The following PDE8B variants were observed in gnomAD, a reference collection of about 807,000 sequenced individuals.
PDE8B encodes phosphodiesterase 8B.
Under a neutral mutation model 101.3 loss-of-function variants are expected in PDE8B, and 26 were observed. The observed-to-expected ratio is 0.26, with a 90% CI of 0.19 to 0.36. PDE8B has a LOEUF of 0.36. PDE8B is among the 10% of genes least tolerant of loss of function. PDE8B has a pLI of 1.00. For synonymous variants in PDE8B, 424 were observed against 429.3 expected (o/e 0.99, Z 0.15); for missense variants, 810 against 1,163.1 (o/e 0.70, Z 4.42).
the PDE8B span, among the ~76,000 whole-genome samples, chr5:77,172,823 G>A: frequency 6.6e-6 from 1 of 152,240 alleles, no homozygotes; most frequent in African/African-American, 2.4e-5. Context: ...GAGTAGGTAA[G>A]TTGAGCATGG....
the PDE8B span, chr5:77,104,807 A>C: frequency 6.6e-6 from 1 of 152,168 alleles, no homozygotes; most frequent in Admixed American, 6.5e-5. Flanking sequence ...TTTGCAAAAC[A>C]TTTTAGACAT....
intron 1 of PDE8B, among the ~76,000 whole-genome samples, chr5:77,245,836 T>TCCCC (rs1294449774): frequency 1.6e-4 from 1 of 6,328 alleles, no homozygotes; most frequent in African/African-American, 9.1e-4. Context: ...TCCTATAACC[T>TCCCC]CCTCCCCCCC....
upstream of PDE8B, among the ~76,000 whole-genome samples, chr5:77,208,931 G>A (rs1747736943): frequency 6.6e-6 from 1 of 152,184 alleles, no homozygotes; most frequent in Admixed American, 6.5e-5. Context: ...CTGCAGGGAT[G>A]CCTGAGGCTT....
chr5:77,375,133 A>T (rs1266427437), intron 10 of PDE8B, among the ~76,000 whole-genome samples: 5 of 152,232 alleles, frequency 3.3e-5, no homozygotes, highest in East Asian at 1.9e-4. Flanking sequence ...ATTGCCCCTG[A>T]TGTGGACACT....
intron 1 of PDE8B, among the ~76,000 whole-genome samples, chr5:77,233,699 T>TGTGCGCGC (rs979930633): frequency 1.4e-5 from 2 of 147,008 alleles, no homozygotes; most frequent in African/African-American, 5.0e-5. Context: ...TGTGTGTGTG[T>TGTGCGCGC]GCAGTAGACT....
intron 11 of PDE8B, 90 bp from the exon 12 acceptor site, chr5:77,404,625 GTTTTC>G: frequency 1.3e-6 from 1 of 784,322 alleles, no homozygotes; most frequent in Non-Finnish European, 2.2e-6. Flanking sequence ...AAGTAACCTT[GTTTTC>G]TTTAGAGAAT....
At chr5:77,424,132 C>T (rs1344251309) in intron 20 of PDE8B, among the ~76,000 whole-genome samples, 1 of 152,016 alleles carries the variant, frequency 6.6e-6, no homozygotes, top group Non-Finnish European at 1.5e-5. Flanking sequence ...TCCTTGAACA[C>T]CAGTGGATAT....
chr5:77,194,569 C>G, the PDE8B span, among the ~76,000 whole-genome samples: 4 of 152,068 alleles, frequency 2.6e-5, no homozygotes, highest in Non-Finnish European at 5.9e-5. Context: ...AAAAAGAAAC[C>G]CCATGACCAT....
intron 1 of PDE8B, among the ~76,000 whole-genome samples, chr5:77,279,271 A>G (rs1460594856): frequency 1.3e-5 from 2 of 152,228 alleles, no homozygotes; most frequent in Non-Finnish European, 2.9e-5. Flanking sequence ...TTTACAGAAC[A>G]TGGGCATGAC....
intron 5 of PDE8B, among the ~76,000 whole-genome samples, chr5:77,333,993 C>T (rs185785563): frequency 2.0e-5 from 3 of 152,326 alleles, no homozygotes; most frequent in Non-Finnish European, 4.4e-5. Flanking sequence ...AGCTTGGGCT[C>T]ATTCCAGGAG....
At chr5:77,096,698 C>A in the PDE8B span, among the ~76,000 whole-genome samples, 4 of 152,202 alleles carry the variant, frequency 2.6e-5, no homozygotes, top group Admixed American at 6.5e-5. Flanking sequence ...AACATTTAAA[C>A]CATAGCGCCA....
At chr5:77,295,872 C>T (rs993136828) in intron 1 of PDE8B, among the ~76,000 whole-genome samples, 3 of 152,192 alleles carry the variant, frequency 2.0e-5, no homozygotes, top group Admixed American at 1.3e-4. Context: ...GTGTTGCTTT[C>T]GTTCTCACAT....
At chr5:77,370,735 G>A (rs965762896) in intron 10 of PDE8B, among the ~76,000 whole-genome samples, 9 of 152,208 alleles carry the variant, frequency 5.9e-5, no homozygotes, top group East Asian at 1.9e-4. Flanking sequence ...GAAACTGCCA[G>A]TTCTCCCAAA....
At chr5:77,244,172 T>C (rs10056404) in intron 1 of PDE8B, among the ~76,000 whole-genome samples, 68,769 of 151,622 alleles carry the variant, frequency 0.45, 16,379 homozygotes, top group East Asian at 0.81. Flanking sequence ...ACATACAAAC[T>C]AATCAGATGG....
the PDE8B span, chr5:77,118,875 T>C: frequency 6.6e-6 from 1 of 152,662 alleles, no homozygotes; most frequent in African/African-American, 2.4e-5. Flanking sequence ...GGTTATACCT[T>C]CTTTGCTCAC....
chr5:77,380,319 C>T (rs1458040890), intron 10 of PDE8B, among the ~76,000 whole-genome samples: 2 of 152,140 alleles, frequency 1.3e-5, no homozygotes, highest in Admixed American at 1.3e-4. Context: ...CCATTTGTAC[C>T]ATTCCATTGA....
rs920685965 is a variant in PDE8B, at chr5:77,310,962, A to C, written c.340-1032A>C. ...GTCTTGCAAAGTATAATGTAAAGAAAGTTTGCTTTTCTTGTTTGTTTTTTG... is the reference window on the plus strand; with the variant it reads ...GTCTTGCAAAGTATAATGTAAAGAACGTTTGCTTTTCTTGTTTGTTTTTTG... On this transcript the variant is annotated intron_variant, in intron 1 of 21. Coordinates refer to ENST00000264917, the MANE Select transcript of PDE8B (RefSeq NM_003719.5). Among the ~76,000 whole-genome samples, 3 of 152,184 alleles carry C rather than the reference A, an allele frequency of 2.0e-5. No individual in the cohort carries two copies. In the East Asian group the frequency reaches 5.8e-4, roughly 29 times the overall value.
At chr5:77,257,813 C>G (rs1469731171) in intron 1 of PDE8B, among the ~76,000 whole-genome samples, 5 of 152,122 alleles carry the variant, frequency 3.3e-5, no homozygotes, top group African/African-American at 1.2e-4. Flanking sequence ...TCCTGATGCT[C>G]TCCCTCCCCC....
chr5:77,411,610 TAAAA>T (rs572664482), intron 14 of PDE8B, 62 bp from the exon 15 acceptor site: 1 of 1,060,540 alleles, frequency 9.4e-7, no homozygotes, highest in African/African-American at 1.6e-5. Flanking sequence ...TCACTAATAA[TAAAA>T]AAAAAAAGAG....
Sources: allele counts gnomAD v4.1 joint callset (sites outside exome capture counted in the v4.1 genomes callset), GRCh38; gene constraint gnomAD v4.1.1; transcripts MANE v1.5; gene names NCBI Gene and HGNC (gene_info 2026-07-23, HGNC 2026-07-21).